Variants in TEDC2 observed in about 807,000 individuals in gnomAD.
The protein encoded by TEDC2 is tubulin epsilon and delta complex protein 2.
In TEDC2, 49 loss-of-function variants were observed where a neutral mutation model predicts 48.1. The observed-to-expected ratio is 1.02, with a 90% CI of 0.81 to 1.29. The LOEUF (loss-of-function observed/expected upper bound fraction) is 1.29, where lower values mean the gene tolerates loss of function less well. TEDC2 is among the 50% of genes most tolerant of loss of function. TEDC2 has a pLI of 0.00. For missense variants in TEDC2, 631 were observed against 571.4 expected, an observed-to-expected ratio of 1.10 and a Z score of -1.06; for synonymous variants, 299 against 247.1, an observed-to-expected ratio of 1.21 and a Z score of -1.97.
chr16:2,460,352 G>T lies in TEDC2; in HGVS notation c.96G>T (p.Leu32=). The T allele has an allele frequency of 1.3e-6, 2 of 1,544,384 alleles. No individual in the cohort carries two copies. The highest frequency in any genetic ancestry group is 1.7e-6 in the Non-Finnish European group (2 of 1,146,194). ...GACAATTGCAATTGGAGCAGAGCCT[G>T]CGCGTTTGCCGTCGGCTGCTGCATG... ...AQRQLQLEQS[L]RVCRRLLHAW... is the part of the protein sequence containing the mutation. The change falls in exon 2 of 10, where the codon CTG becomes CTT. Residue 32 remains leucine (L), a synonymous_variant. Coordinates refer to ENST00000361837, the MANE Select transcript of TEDC2 (RefSeq NM_025108.3).
chr16:2,461,110 C>G lies in TEDC2; in HGVS notation c.491C>G (p.Thr164Ser), dbSNP rs201890427. 1.3e-5 allele frequency: 21 copies of G among 1,582,684 alleles called. 1 individual carries two copies. The South Asian group carries it at 2.4e-4, about 18-fold the overall frequency. The change falls in exon 4 of 10, where the codon ACC (threonine) becomes AGC (serine). Residue 164 changes from threonine to serine, a missense_variant. Thr to Ser is a moderately conservative substitution (Grantham distance 58). Coordinates refer to ENST00000361837, the MANE Select transcript of TEDC2 (RefSeq NM_025108.3). ...CGGCTGCTGTCAGTGGGGGATGGGA[C>G]CCGTGTTGGGATGGGAGCCCGAACC... ...ERRLLSVGDG[T>S]RVGMGARTPR...
At chr16:2,464,411 G>A (rs1427343699) in intron 9 of TEDC2, 111 bp from the exon 10 acceptor site, 2 of 1,354,196 alleles carry the variant, frequency 1.5e-6, no homozygotes. Flanking sequence ...GGAGCCTGGA[G>A]CCTCAGAAGG....
chr16:2,464,569 G>A lies in TEDC2; in HGVS notation c.1203G>A (p.Gln401=). 6.2e-7 allele frequency: 1 copy of A among 1,606,156 alleles called. No homozygotes were observed. Reference sequence around the variant, plus strand: ...CCCTGGTAAGCGCTGCACAGCCGCAGGGGCCGCCCTGGCTGGCCCTGTGCC... The same window carrying A: ...CCCTGGTAAGCGCTGCACAGCCGCAAGGGCCGCCCTGGCTGGCCCTGTGCC... ...LLPLVSAAQP[Q]GPPWLALCRA... is the part of the protein sequence containing the mutation. Residue 401 remains glutamine (Q), a synonymous_variant, in exon 10 of 10, where the codon CAG becomes CAA. Coordinates refer to ENST00000361837, the MANE Select transcript of TEDC2 (RefSeq NM_025108.3).
intron 4 of TEDC2, 127 bp downstream of exon 4, chr16:2,461,351 G>GC: frequency 8.0e-7 from 1 of 1,243,870 alleles, no homozygotes; most frequent in Non-Finnish European, 1.1e-6. Context: ...TACCCCTGAG[G>GC]CTCATGCTCA....
rs1419913685 is a variant in TEDC2 at position 2,461,125 on chromosome 16, G to C, written c.506G>C (p.Gly169Ala). The stretch of plus-strand genomic sequence containing the variant: ...GGGGATGGGACCCGTGTTGGGATGG[G>C]AGCCCGAACCCCCAGGCCTGGGGCG... ...SVGDGTRVGMGARTPRPGAGL... is the reference protein window; with the variant it reads ...SVGDGTRVGMAARTPRPGAGL... Residue 169 changes from glycine to alanine, a missense_variant, in exon 4 of 10, where the codon GGA (glycine) becomes GCA (alanine). By Grantham distance (60) the Gly-to-Ala change is moderately conservative. Coordinates refer to ENST00000361837, the MANE Select transcript of TEDC2 (RefSeq NM_025108.3). 6.4e-7 allele frequency: 1 copy of C among 1,566,678 alleles called. No homozygotes were observed. The highest frequency in any genetic ancestry group is 1.2e-5 in the South Asian group (1 of 84,236).
chr16:2,463,372 A>T lies in TEDC2; in HGVS notation c.964+640A>T, dbSNP rs1325791298. Among the ~76,000 whole-genome samples, 3 of 151,886 alleles carry T rather than the reference A, an allele frequency of 2.0e-5. No individual in the cohort carries two copies. The East Asian group carries it at 5.8e-4, about 29-fold the overall frequency. ...CCGGGCACAGTGGCTCACGCCTGTA[A>T]TCCCAGCACTTTGGGAGGCCAAGGC... On this transcript the variant is annotated intron_variant, in intron 8 of 9. Transcript: ENST00000361837.
At position 2,461,744 on chromosome 16, in the gene TEDC2, C is replaced by T; in HGVS notation, c.606-3C>T. ...CTCCTCTGAACACGGGCTTCTCCGA[C>T]AGGCACCTGCTGCGGCTGCCTGCGG... On this transcript the variant is annotated splice_region_variant and splice_polypyrimidine_tract_variant and intron_variant, in intron 4 of 9. Coordinates refer to ENST00000361837, the MANE Select transcript of TEDC2 (RefSeq NM_025108.3). The T allele has an allele frequency of 1.2e-6, 2 of 1,613,316 alleles. No homozygotes were observed. The highest frequency in any genetic ancestry group is 1.7e-6 in the Non-Finnish European group (2 of 1,179,990).
rs202112648 is a variant in TEDC2 at position 2,460,684 on chromosome 16, C to A, written c.187C>A (p.Pro63Thr). Residue 63 changes from proline to threonine, a missense_variant, in exon 3 of 10, where the codon CCC becomes ACC. By Grantham distance (38) the Pro-to-Thr change is conservative. Transcript: ENST00000361837. ...AGGGCCAGAAACTAATGGAGAGGAC[C>A]CCCTTCCAGGTAAACCTCCACCACC... is the stretch of plus-strand genomic sequence containing the variant. ...PPGPETNGED[P>T]LPACTPSPQD... 2.5e-6 allele frequency: 4 copies of A among 1,612,956 alleles called. No individual in the cohort carries two copies. In the African/African-American group the frequency reaches 4.0e-5, roughly 16 times the overall value.
rs1287744657 is a variant in TEDC2, at chr16:2,460,169, C to T, written c.25C>T (p.Arg9Trp). The T allele has an allele frequency of 1.2e-5, 14 of 1,124,836 alleles. 1 individual carries two copies. In the Middle Eastern group the frequency reaches 1.5e-3, roughly 118 times the overall value. The allele number at this position is 1,124,836 out of a possible 1,614,324, so 69.7% of individuals were successfully genotyped here. ...CATGCTGCCGGCGGGCTGCTCGCGC[C>T]GGTGAGGCCTGCGCGGCAGGAGGGG... MLPAGCSRRLVAELQGALD... is the reference protein window; with the variant it reads MLPAGCSRWLVAELQGALD... Residue 9 changes from arginine (R) to tryptophan (W), a missense_variant and splice_region_variant, in exon 1 of 10, where the codon CGG (arginine) becomes TGG (tryptophan). Coordinates refer to ENST00000361837, the MANE Select transcript of TEDC2 (RefSeq NM_025108.3).
At chr16:2,461,438 CCTCCT>C (rs1234976085) in intron 4 of TEDC2, 1 of 684,096 alleles carries the variant, frequency 1.5e-6, no homozygotes, top group East Asian at 2.8e-5. Context: ...TGGAGCCTGT[CCTCCT>C]CTCTTCTCTG....
At chr16:2,462,384 C>T (rs758061922) in intron 6 of TEDC2, 31 bp from the exon 7 acceptor site, 5 of 1,610,110 alleles carry the variant, frequency 3.1e-6, no homozygotes, top group Non-Finnish European at 4.2e-6. Flanking sequence ...GGGGCTTTGG[C>T]TGCAGGGAAG....
rs1423673838 is a variant in TEDC2 at position 2,461,767 on chromosome 16, C to T, written c.626C>T (p.Ala209Val). The T allele has an allele frequency of 5.0e-6, 8 of 1,613,166 alleles. No individual in the cohort carries two copies. The highest frequency in any genetic ancestry group is 3.3e-5 in the Admixed American group (2 of 60,004). ...GACAGGCACCTGCTGCGGCTGCCTG[C>T]GGCATTCAGGAAAGCAGCTTCCCAG... Reference protein sequence around the residue: ...KEKGHLLRLPAAFRKAASQNS... With the variant: ...KEKGHLLRLPVAFRKAASQNS... Residue 209 changes from alanine (A) to valine (V), a missense_variant, in exon 5 of 10, where the codon GCG becomes GTG. Coordinates refer to ENST00000361837, the MANE Select transcript of TEDC2 (RefSeq NM_025108.3).
chr16:2,460,623 G>C lies in TEDC2; in HGVS notation c.126G>C (p.Trp42Cys). 3 of 1,612,892 alleles carry C rather than the reference G, an allele frequency of 1.9e-6. No individual in the cohort carries two copies. Among genetic ancestry groups the C allele is most frequent in the Non-Finnish European group, 2.5e-6 (3 of 1,179,940 alleles). ...LRVCRRLLHA[W>C]EPTGTRALKP... ...GCGACGGCTGCCCGTGTCTTTGCAG[G>C]GAACCAACTGGGACCCGGGCTTTGA... is the stretch of plus-strand genomic sequence containing the variant. The change falls in exon 3 of 10, where the codon TGG becomes TGC. Residue 42 changes from tryptophan to cysteine, a missense_variant and splice_region_variant. Physicochemically the swap from Trp to Cys is radical, Grantham distance 215. Coordinates refer to ENST00000361837, the MANE Select transcript of TEDC2 (RefSeq NM_025108.3).
At chr16:2,462,363 G>A (rs539212201) in intron 6 of TEDC2, 52 bp from the exon 7 acceptor site, 111 of 1,607,000 alleles carry the variant, frequency 6.9e-5, no homozygotes, top group Admixed American at 3.2e-4. Context: ...CCCGTTCTTG[G>A]TGGGAGCAGA....
At position 2,464,105 on chromosome 16, in the gene TEDC2, G is replaced by T; in HGVS notation, c.1031G>T (p.Gly344Val). 2 of 1,612,880 alleles carry T rather than the reference G, an allele frequency of 1.2e-6. No homozygotes were observed. Among genetic ancestry groups the T allele is most frequent in the African/African-American group, 1.3e-5 (1 of 75,058 alleles). Residue 344 changes from glycine to valine, a missense_variant, in exon 9 of 10, where the codon GGG becomes GTG. Coordinates refer to ENST00000361837, the MANE Select transcript of TEDC2 (RefSeq NM_025108.3). ...CCCCCCGGAGCCTCGCCGTCCTGTG[G>T]GGGTAGAGCGGAGCCTGCATGGAGC... The part of the protein sequence containing the change: ...GRPPGASPSC[G>V]GRAEPAWSPQ...
At chr16:2,463,085 GC>G (rs2065477323) in intron 8 of TEDC2, among the ~76,000 whole-genome samples, 1 of 152,206 alleles carries the variant, frequency 6.6e-6, no homozygotes, top group Non-Finnish European at 1.5e-5. Flanking sequence ...GCTTTGGGAG[GC>G]CAAGGCGGGT....
chr16:2,462,717 CA>C lies in TEDC2; in HGVS notation c.950del (p.Gln317ArgfsTer71), dbSNP rs1167526704. On this transcript the variant is annotated frameshift_variant, in exon 8 of 10. Coordinates refer to ENST00000361837, the MANE Select transcript of TEDC2 (RefSeq NM_025108.3). LOFTEE classifies it high-confidence loss of function. Reference sequence around the variant, plus strand: ...GGTGGGCCAGTGTCTGCACAGGCTGCAGGAGCTGCGTGCAGGTGAGACCCCG... The same window carrying C: ...GGTGGGCCAGTGTCTGCACAGGCTGCGGAGCTGCGTGCAGGTGAGACCCCG... The part of the protein sequence containing the change: ...AMVGQCLHRL[Q>X]ELRAAVAEQP... The C allele has an allele frequency of 1.9e-6, 3 of 1,542,586 alleles. No homozygotes were observed. The highest frequency in any genetic ancestry group is 2.0e-5 in the Admixed American group (1 of 50,914).
chr16:2,464,320 C>A lies in TEDC2; in HGVS notation c.1155+91C>A, dbSNP rs770083401. The A allele has an allele frequency of 1.1e-4, 166 of 1,481,912 alleles. 3 individuals are homozygous for A. The South Asian group carries it at 2.0e-3, about 18-fold the overall frequency. The allele number at this position is 1,481,912 out of a possible 1,614,324, so 91.8% of individuals were successfully genotyped here. A position where few individuals can be genotyped will look rare whatever the true frequency, so the allele number is the denominator to read the frequency against. On this transcript the variant is annotated intron_variant, in intron 9 of 9. Coordinates refer to ENST00000361837, the MANE Select transcript of TEDC2 (RefSeq NM_025108.3). ...GCTTGACTGCTCCACCCCCCAGGAC[C>A]CAGGAGGATGGGGGCAAGCCTGGGG...
rs1390540106 is a variant in TEDC2 at position 2,461,754 on chromosome 16, C to T, written c.613C>T (p.Leu205=). 1.2e-6 allele frequency: 2 copies of T among 1,613,088 alleles called. No homozygotes were observed. The highest frequency in any genetic ancestry group is 1.7e-6 in the Non-Finnish European group (2 of 1,179,992). Residue 205 remains leucine (L), a synonymous_variant, in exon 5 of 10, where the codon CTG becomes TTG. Transcript: ENST00000361837. ...AFTLKEKGHL[L]RLPAAFRKAA... is the part of the protein sequence containing the mutation. ...CACGGGCTTCTCCGACAGGCACCTG[C>T]TGCGGCTGCCTGCGGCATTCAGGAA...
Sources: allele counts gnomAD v4.1 joint callset (sites outside exome capture counted in the v4.1 genomes callset), GRCh38; gene constraint gnomAD v4.1.1; transcripts MANE v1.5; gene names NCBI Gene and HGNC (gene_info 2026-07-23, HGNC 2026-07-21).